CASR: variants seen among roughly 807,000 people sequenced by gnomAD.
CASR encodes extracellular calcium-sensing receptor.
Under a neutral mutation model 69.1 loss-of-function variants are expected in CASR, and 23 were observed. That is an observed-to-expected ratio of 0.33 (90% CI 0.24 to 0.47). CASR has a LOEUF of 0.47. Ranked by LOEUF, CASR falls within the 20% of genes least tolerant of loss-of-function variation. The pLI, the probability that CASR is intolerant of heterozygous loss-of-function variation, is 1.00. For missense variants in CASR, 924 were observed against 1,356.1 expected (o/e 0.68, Z 5.00); for synonymous variants, 541 against 544.7 (o/e 0.99, Z 0.10).
chr3:122,275,842 A>G lies in CASR; in HGVS notation c.1408A>G (p.Thr470Ala). The G allele has an allele frequency of 6.2e-7, 1 of 1,614,068 alleles. No individual in the cohort carries two copies. Among genetic ancestry groups the G allele is most frequent in the Non-Finnish European group, 8.5e-7 (1 of 1,179,944 alleles). Reference protein sequence around the residue: ...VLKHLRHLNFTNNMGEQVTFD... With the variant: ...VLKHLRHLNFANNMGEQVTFD... The stretch of plus-strand genomic sequence containing the variant: ...GAAGCACCTACGGCATCTAAACTTT[A>G]CAAACAATATGGGGGAGCAGGTGAC... Residue 470 changes from threonine to alanine, a missense_variant, in exon 5 of 7, where the codon ACA becomes GCA. Physicochemically the swap from Thr to Ala is moderately conservative, Grantham distance 58. Coordinates refer to ENST00000639785, the MANE Select transcript of CASR (RefSeq NM_000388.4).
chr3:122,222,773 C>T (rs947515310), intron 1 of CASR, among the ~76,000 whole-genome samples: 1 of 152,216 alleles, frequency 6.6e-6, no homozygotes, highest in East Asian at 1.9e-4. Flanking sequence ...ACATTCTTCT[C>T]ATCTGCACAT....
chr3:122,248,624 T>C (rs2107619510), intron 1 of CASR, among the ~76,000 whole-genome samples: 1 of 151,916 alleles, frequency 6.6e-6, no homozygotes, highest in African/African-American at 2.4e-5. Flanking sequence ...TTTTTTTTTT[T>C]GCCATCTAGG....
chr3:122,214,217 G>A (rs1309607470), intron 1 of CASR, among the ~76,000 whole-genome samples: 3 of 151,384 alleles, frequency 2.0e-5, no homozygotes, highest in Non-Finnish European at 2.9e-5. Context: ...TTAATGGAGC[G>A]TATCCATTTT....
rs1423080314 is a variant in CASR, at chr3:122,252,459, G to GAA, written c.-242-1487_-242-1486dup. ...AAAGAAAGAAAGAAAAAAAAGAAAA[G>GAA]AAAGAAAAGAAAAGAAGGGAGGGAG... On this transcript the variant is annotated intron_variant, in intron 1 of 6. Coordinates refer to ENST00000639785, the MANE Select transcript of CASR (RefSeq NM_000388.4). Among the ~76,000 whole-genome samples, 18 of 62,350 alleles carry GAA rather than the reference G, an allele frequency of 2.9e-4. 1 individual carries two copies. The Admixed American group carries it at 3.1e-3, about 11-fold the overall frequency. 40.9% of individuals were successfully genotyped at this position (62,350 alleles called of 152,430 possible).
In CASR at chr3:122,254,163, C is replaced by A. The variant is rs755580987; in HGVS notation, c.-27C>A. On this transcript the variant is annotated 5_prime_UTR_variant, in exon 2 of 7. Transcript: ENST00000639785. ...GCCTCCAAACTCCTAGCTGTCTCAT[C>A]CCTTGCCCTGGAGAGACGGCAGAAC... 6.8e-6 allele frequency: 11 copies of A among 1,611,598 alleles called. No homozygotes were observed. Among genetic ancestry groups the A allele is most frequent in the African/African-American group, 1.3e-5 (1 of 74,980 alleles).
At chr3:122,187,333 GA>G (rs369912017) in intron 1 of CASR, among the ~76,000 whole-genome samples, 5 of 152,008 alleles carry the variant, frequency 3.3e-5, no homozygotes, top group East Asian at 1.9e-4. Flanking sequence ...CTTTAGTAAA[GA>G]AAAAAAATCA....
intron 1 of CASR, among the ~76,000 whole-genome samples, chr3:122,242,284 A>T (rs2074385710): frequency 6.6e-6 from 1 of 152,158 alleles, no homozygotes; most frequent in Non-Finnish European, 1.5e-5. Flanking sequence ...AGAAAAACCT[A>T]TAGACTCCAC....
chr3:122,272,624 C>G (rs1455062343), intron 4 of CASR, among the ~76,000 whole-genome samples: 1 of 152,218 alleles, frequency 6.6e-6, no homozygotes, highest in Admixed American at 6.5e-5. Flanking sequence ...TTATCTTGCA[C>G]TGTTTACTGC....
chr3:122,211,231 G>A (rs1019221184), intron 1 of CASR, among the ~76,000 whole-genome samples: 1 of 152,022 alleles, frequency 6.6e-6, no homozygotes, highest in Non-Finnish European at 1.5e-5. Context: ...AGCAAAAACT[G>A]ACAAATGGGA....
In CASR at chr3:122,254,273, G is replaced by C. The variant is rs1290990935; in HGVS notation, c.84G>C (p.Lys28Asn). 3 of 1,614,138 alleles carry C rather than the reference G, an allele frequency of 1.9e-6. No homozygotes were observed. The South Asian group carries it at 3.3e-5, about 18-fold the overall frequency. Residue 28 changes from lysine to asparagine, a missense_variant, in exon 2 of 7, where the codon AAG becomes AAC. By Grantham distance (94) the Lys-to-Asn change is moderately conservative. Coordinates refer to ENST00000639785, the MANE Select transcript of CASR (RefSeq NM_000388.4). ...SAYGPDQRAQKKGDIILGGLF... is the reference protein window; with the variant it reads ...SAYGPDQRAQNKGDIILGGLF... ...ACGGGCCAGACCAGCGAGCCCAAAAGAAGGGGGACATTATCCTTGGGGGGC... is the reference window on the plus strand; with the variant it reads ...ACGGGCCAGACCAGCGAGCCCAAAACAAGGGGGACATTATCCTTGGGGGGC...
chr3:122,185,485 A>G (rs1027244518), intron 1 of CASR, among the ~76,000 whole-genome samples: 1 of 152,232 alleles, frequency 6.6e-6, no homozygotes, highest in African/African-American at 2.4e-5. Flanking sequence ...GAAAAGGCAC[A>G]TTGGGGAAGA....
chr3:122,245,372 T>A (rs567781642), intron 1 of CASR: 4 of 152,152 alleles, frequency 2.6e-5, no homozygotes, highest in Non-Finnish European at 5.9e-5. Context: ...TTTTATTAAA[T>A]TTCAGAAACA....
intron 4 of CASR, 36 bp downstream of exon 4, chr3:122,262,448 A>G (rs770384614): frequency 3.1e-6 from 5 of 1,597,480 alleles, no homozygotes; most frequent in East Asian, 2.2e-5. Flanking sequence ...TTGCTGTATA[A>G]TAAAGCAGAG....
At chr3:122,208,646 C>A (rs2074032462) in intron 1 of CASR, among the ~76,000 whole-genome samples, 1 of 152,122 alleles carries the variant, frequency 6.6e-6, no homozygotes, top group African/African-American at 2.4e-5. Context: ...CTAAGGTCTT[C>A]CCTTGAAAGG....
At chr3:122,279,442 C>T (rs528540720) in intron 5 of CASR, among the ~76,000 whole-genome samples, 6 of 152,232 alleles carry the variant, frequency 3.9e-5, no homozygotes, top group South Asian at 2.1e-4. Context: ...TGTTTGTATA[C>T]GTAGATGCTC....
chr3:122,201,864 G>A (rs958165188), intron 1 of CASR, among the ~76,000 whole-genome samples: 11 of 150,096 alleles, frequency 7.3e-5, no homozygotes, highest in East Asian at 2.0e-4. Context: ...ATGGGATGGC[G>A]GCCGGGAAGA....
chr3:122,207,124 T>C (rs2074014720), intron 1 of CASR, among the ~76,000 whole-genome samples: 1 of 152,050 alleles, frequency 6.6e-6, no homozygotes, highest in South Asian at 2.1e-4. Flanking sequence ...GTTCTTGCTT[T>C]TGTAGTTCCG....
In CASR at chr3:122,257,637, T is replaced by A. The variant is rs541590320; in HGVS notation, c.492+250T>A. On this transcript the variant is annotated intron_variant, in intron 3 of 6. Transcript: ENST00000639785. ...CCTTGCATAAAACTGTGTCTTTTTT[T>A]AAAAAGAGGCATTCAGTTATTTATT... The A allele has an allele frequency of 1.7e-3, 751 of 437,064 alleles. 3 individuals are homozygous for A. The highest frequency in any genetic ancestry group is 4.1e-3 in the Middle Eastern group (7 of 1,698). 27.1% of individuals were successfully genotyped at this position (437,064 alleles called of 1,614,324 possible).
rs1216637639 is a variant in CASR, at chr3:122,287,121, A to G, written c.*1930A>G. 2.0e-5 allele frequency: 3 copies of G among 152,178 alleles called. No individual in the cohort carries two copies. The highest frequency in any genetic ancestry group is 4.4e-5 in the Non-Finnish European group (3 of 68,036). The allele number at this position is 152,178 out of a possible 1,614,324, so 9.4% of individuals were successfully genotyped here. On this transcript the variant is annotated 3_prime_UTR_variant, in exon 7 of 7. Transcript: ENST00000639785. ...AGCTGAGTGGGGATTTATATTTAAC[A>G]TTTTACTTGGTCTTAAAAGAAATGC...
Sources: gnomAD v4.1 joint callset for allele counts (sites outside exome capture counted in the v4.1 genomes callset) on GRCh38, gnomAD v4.1.1 for gene constraint, MANE v1.5 for transcripts, NCBI Gene and HGNC (gene_info 2026-07-23, HGNC 2026-07-21) for gene names.